The following NCOR2 variants were observed in gnomAD, a reference collection of about 807,000 sequenced individuals.
The protein encoded by NCOR2 is nuclear receptor corepressor 2.
In NCOR2, 81 loss-of-function variants were observed where a neutral mutation model predicts 262.9. The ratio of observed to expected loss-of-function variants is 0.31; its 90% CI spans 0.26 to 0.37. The LOEUF (loss-of-function observed/expected upper bound fraction) is 0.37, where lower values mean the gene tolerates loss of function less well. Ranked by LOEUF, NCOR2 falls within the 10% of genes least tolerant of loss-of-function variation. NCOR2 has a pLI of 1.00. For synonymous variants in NCOR2, 1,659 were observed against 1,559.3 expected, an observed-to-expected ratio of 1.06 and a Z score of -1.51; for missense variants, 3,385 against 3,621.4, an observed-to-expected ratio of 0.93 and a Z score of 1.68.
intron 1 of NCOR2, chr12:124,556,002 G>C (rs1041271087): frequency 6.6e-6 from 1 of 152,288 alleles, no homozygotes; most frequent in Non-Finnish European, 1.5e-5. Flanking sequence ...ACAACCTCGA[G>C]AGACGAGGAA....
At position 124,347,613 on chromosome 12, in the gene NCOR2, C is replaced by T. The variant is rs541558345; in HGVS notation, c.4072+212G>A. 3.2e-4 allele frequency: 185 copies of T among 576,756 alleles called. 1 individual carries two copies. In the South Asian group the frequency reaches 3.7e-3, roughly 12 times the overall value. 35.7% of individuals were successfully genotyped at this position (576,756 alleles called of 1,614,324 possible). A position where few individuals can be genotyped will look rare whatever the true frequency, so the allele number is the denominator to read the frequency against. On this transcript the variant is annotated intron_variant, in intron 30 of 46. Coordinates refer to ENST00000405201, the Ensembl canonical transcript of NCOR2. ...TGACACCTAAAAGCACAGGGGTGAT[C>T]GGTGGTATTTTGCTTTTTGTTTTTG... is the stretch of plus-strand genomic sequence containing the variant.
upstream of NCOR2, among the ~76,000 whole-genome samples, chr12:124,499,697 G>T (rs980472576): frequency 6.6e-6 from 1 of 152,192 alleles, no homozygotes; most frequent in East Asian, 1.9e-4. Context: ...TGAATATGGG[G>T]GGAAGTGGGG....
intron 1 of NCOR2, among the ~76,000 whole-genome samples, chr12:124,534,872 C>T (rs2051044248): frequency 6.6e-6 from 1 of 152,190 alleles, no homozygotes. Flanking sequence ...AATGGGGTGA[C>T]CTGTGAAAAG....
intron 41 of NCOR2, among the ~76,000 whole-genome samples, chr12:124,333,852 G>GCGCC (rs2035505692): frequency 2.4e-5 from 2 of 82,342 alleles, no homozygotes; most frequent in African/African-American, 4.7e-5. Context: ...GTGTGCGGGT[G>GCGCC]TGCATGTGTG....
intron 1 of NCOR2, among the ~76,000 whole-genome samples, chr12:124,529,336 T>C (rs1309326932): frequency 6.7e-6 from 1 of 148,842 alleles, no homozygotes; most frequent in Admixed American, 6.7e-5. Flanking sequence ...TAGCCAGATG[T>C]GGTGGCGCAT....
chr12:124,459,051 A>G (rs1449782874), intron 5 of NCOR2, among the ~76,000 whole-genome samples: 1 of 152,220 alleles, frequency 6.6e-6, no homozygotes, highest in African/African-American at 2.4e-5. Flanking sequence ...GGTTAAGAGC[A>G]GTAACAGCAG....
At chr12:124,560,732 C>T (rs10846686) in intron 1 of NCOR2, among the ~76,000 whole-genome samples, 8,157 of 152,192 alleles carry the variant, frequency 0.054, 282 homozygotes, top group Middle Eastern at 0.085. Flanking sequence ...GTGACTGCCT[C>T]GGGGAACAGA....
At chr12:124,449,903 G>A in intron 6 of NCOR2, 36 bp from the exon 9 acceptor site, 1 of 1,602,240 alleles carries the variant, frequency 6.2e-7, no homozygotes, top group Non-Finnish European at 8.5e-7. Flanking sequence ...TCAGAGCCTG[G>A]CTGGCCACTC....
At chr12:124,365,587 TGAG>T (rs1395507726) in intron 20 of NCOR2, among the ~76,000 whole-genome samples, 2 of 152,206 alleles carry the variant, frequency 1.3e-5, no homozygotes, top group Non-Finnish European at 1.5e-5. Flanking sequence ...CACGCTCAGC[TGAG>T]CGGGGAGAGC....
chr12:124,477,889 A>G (rs1186825529), intron 3 of NCOR2, among the ~76,000 whole-genome samples: 1 of 152,238 alleles, frequency 6.6e-6, no homozygotes, highest in African/African-American at 2.4e-5. Flanking sequence ...AGCGTGAAAG[A>G]GAAAAGTTTA....
In NCOR2 at chr12:124,483,833, G is replaced by A; in HGVS notation, c.234-60C>T. The A allele has an allele frequency of 1.4e-6, 2 of 1,470,970 alleles. No individual in the cohort carries two copies. The highest frequency in any genetic ancestry group is 1.4e-5 in the African/African-American group (1 of 70,980). 91.1% of individuals were successfully genotyped at this position (1,470,970 alleles called of 1,614,324 possible). On this transcript the variant is annotated intron_variant, in intron 2 of 46. Coordinates refer to ENST00000405201, the Ensembl canonical transcript of NCOR2. This position sits in a 1 kb window ranked among gnomAD's most constrained non-coding sequence, Gnocchi z 6.3. ...GATTGCGGCTCTGAGAACTCCCGAG[G>A]CCCCGACCACCCTCTGCGCCGAGCA... is the stretch of plus-strand genomic sequence containing the variant.
At chr12:124,358,055 TG>T (rs2038128178) in intron 22 of NCOR2, among the ~76,000 whole-genome samples, 1 of 149,686 alleles carries the variant, frequency 6.7e-6, no homozygotes, top group Admixed American at 6.6e-5. Flanking sequence ...TGTGTGTGCC[TG>T]TACACAATGT....
chr12:124,357,902 TATG>T (rs1254040111), intron 22 of NCOR2, among the ~76,000 whole-genome samples: 1 of 97,072 alleles, frequency 1.0e-5, no homozygotes, highest in Non-Finnish European at 1.9e-5. Flanking sequence ...TAACCTGTGA[TATG>T]TGTGTGTGCG....
upstream of NCOR2, among the ~76,000 whole-genome samples, chr12:124,540,499 G>A: frequency 1.2e-4 from 1 of 8,508 alleles, no homozygotes; most frequent in Non-Finnish European, 2.9e-4. Context: ...GAGCTGGAGG[G>A]GGATGGGAGT....
At chr12:124,496,762 T>TGAC (rs913620195), upstream of NCOR2, among the ~76,000 whole-genome samples, 12 of 152,088 alleles carry the variant, frequency 7.9e-5, no homozygotes, top group Middle Eastern at 6.8e-3. This position sits in a 1 kb window ranked among gnomAD's most constrained non-coding sequence, Gnocchi z 4.4. Flanking sequence ...GATGGTCATG[T>TGAC]GACCCGGTCC....
At chr12:124,494,156 C>A (rs537327411) in intron 1 of NCOR2, among the ~76,000 whole-genome samples, 2 of 152,328 alleles carry the variant, frequency 1.3e-5, no homozygotes, top group East Asian at 3.9e-4. Context: ...CTGATGGAAA[C>A]GTCCTCCCAC....
At chr12:124,355,878 T>C (rs2037913042) in intron 23 of NCOR2, among the ~76,000 whole-genome samples, 1 of 152,118 alleles carries the variant, frequency 6.6e-6, no homozygotes, top group Non-Finnish European at 1.5e-5. Flanking sequence ...CTTCCCCTTA[T>C]AGGAACCAAA....
At chr12:124,393,888 G>A (rs140283977) in intron 16 of NCOR2, among the ~76,000 whole-genome samples, 3 of 152,384 alleles carry the variant, frequency 2.0e-5, no homozygotes, top group African/African-American at 7.2e-5. Flanking sequence ...GGTGTTACTG[G>A]GTGATATTCA....
intron 1 of NCOR2, among the ~76,000 whole-genome samples, chr12:124,501,043 CGA>C (rs2048685897): frequency 2.9e-5 from 1 of 34,944 alleles, no homozygotes; most frequent in African/African-American, 5.5e-5. Flanking sequence ...GCCCACGGCA[CGA>C]GCGCGCGCGC....
Sources: gnomAD v4.1 joint callset for allele counts (sites outside exome capture counted in the v4.1 genomes callset) on GRCh38, gnomAD v4.1.1 for gene constraint, Gnocchi (gnomAD v3.1) non-coding constraint, MANE v1.5 for transcripts, NCBI Gene and HGNC (gene_info 2026-07-23, HGNC 2026-07-21) for gene names.